The following AMMECR1 variants were observed in gnomAD, a reference collection of about 807,000 sequenced individuals.
AMMECR1 encodes the protein nuclear protein AMMECR1.
A neutral mutation model predicts 22.5 loss-of-function variants in AMMECR1; 3 were observed. That is an observed-to-expected ratio of 0.13 (90% CI 0.06 to 0.35). The LOEUF (loss-of-function observed/expected upper bound fraction) is 0.35. AMMECR1 is among the 10% of genes least tolerant of loss of function. The pLI is 1.00. For synonymous variants in AMMECR1, 130 were observed against 116.7 expected (o/e 1.11, Z -0.74); for missense variants, 235 against 278.7 (o/e 0.84, Z 1.12).
intron 3 of AMMECR1, among the ~76,000 whole-genome samples, chrX:110,207,674 T>A (rs1314302564): frequency 8.9e-6 from 1 of 112,251 alleles, no homozygotes; most frequent in Admixed American, 9.5e-5. Flanking sequence ...CATATCTATC[T>A]AACATGATCC....
intron 2 of AMMECR1, among the ~76,000 whole-genome samples, chrX:110,359,441 C>T (rs1346472521): frequency 9.0e-6 from 1 of 111,184 alleles, no homozygotes; most frequent in Non-Finnish European, 1.9e-5. Context: ...ATTATCCCAT[C>T]TCAACTTGGG....
intron 2 of AMMECR1, among the ~76,000 whole-genome samples, chrX:110,233,985 C>G (rs2067585184): frequency 8.9e-6 from 1 of 111,967 alleles, no homozygotes; most frequent in Admixed American, 9.5e-5. Context: ...CTAGGGCAAT[C>G]AGGCAAGAGA....
rs1318182124 is a variant in AMMECR1 at position 110,427,553 on chromosome X, A to T, written c.-293-750T>A. Among the ~76,000 whole-genome samples, 3 of 111,913 alleles carry T rather than the reference A, an allele frequency of 2.7e-5. No individual in the cohort carries two copies. In the Admixed American group the frequency reaches 2.8e-4, roughly 11 times the overall value. ...CAATCCTGGCTGCACATTCAAATAAATGGAGGGAGCTTTTAAAAGTTCTAA... is the reference window on the plus strand; with the variant it reads ...CAATCCTGGCTGCACATTCAAATAATTGGAGGGAGCTTTTAAAAGTTCTAA... On this transcript the variant is annotated intron_variant, in intron 1 of 7. Transcript: ENST00000372057.
intron 2 of AMMECR1, among the ~76,000 whole-genome samples, chrX:110,378,980 C>T (rs2068398845): frequency 8.9e-6 from 1 of 111,941 alleles, no homozygotes; most frequent in Admixed American, 9.4e-5. Flanking sequence ...ACATTAACCT[C>T]TCCTAACAGC....
intron 2 of AMMECR1, among the ~76,000 whole-genome samples, chrX:110,390,053 C>T (rs2068484283): frequency 9.0e-6 from 1 of 111,433 alleles, no homozygotes; most frequent in East Asian, 2.8e-4. Flanking sequence ...GAACAAGATA[C>T]AAACTTGACC....
At position 110,194,771 on chromosome X, in the gene AMMECR1, T is replaced by A. The variant is rs1434193010; in HGVS notation, c.*3749A>T. 1 of 111,747 alleles carries A rather than the reference T, an allele frequency of 8.9e-6. No homozygotes were observed. The highest frequency in any genetic ancestry group is 3.3e-5 in the African/African-American group (1 of 30,755). 9.2% of individuals were successfully genotyped at this position (111,747 alleles called of 1,213,427 possible). A position where few individuals can be genotyped will look rare whatever the true frequency, so the allele number is the denominator to read the frequency against. On this transcript the variant is annotated 3_prime_UTR_variant, in exon 6 of 6. Transcript: ENST00000262844. Reference sequence around the variant, plus strand: ...GGTTCATTTTCTTCTGAAATAGCAATAAAAAACAAGGAAAACATATATTTG... The same window carrying A: ...GGTTCATTTTCTTCTGAAATAGCAAAAAAAAACAAGGAAAACATATATTTG...
chrX:110,393,999 AT>A (rs749569606), intron 2 of AMMECR1, among the ~76,000 whole-genome samples: 1 of 112,544 alleles, frequency 8.9e-6, no homozygotes, highest in Non-Finnish European at 1.9e-5. Context: ...CGCTTTTGTG[AT>A]TCTTCTGGAA....
intron 2 of AMMECR1, among the ~76,000 whole-genome samples, chrX:110,346,289 C>CA (rs944185953): frequency 1.8e-4 from 20 of 109,371 alleles, no homozygotes; most frequent in East Asian, 1.4e-3. Context: ...ATGGATGAGT[C>CA]AAAAAAAAGT....
At chrX:110,381,678 C>T (rs1490342892) in intron 2 of AMMECR1, among the ~76,000 whole-genome samples, 1 of 111,386 alleles carries the variant, frequency 9.0e-6, no homozygotes, top group East Asian at 2.8e-4. Context: ...AACATAGGTG[C>T]CCATTGATAG....
chrX:110,350,697 G>A (rs1438690360), intron 2 of AMMECR1, among the ~76,000 whole-genome samples: 2 of 111,394 alleles, frequency 1.8e-5, no homozygotes, highest in East Asian at 5.6e-4. Context: ...CTGGGCATGG[G>A]GGCTCATGCC....
intron 2 of AMMECR1, among the ~76,000 whole-genome samples, chrX:110,229,086 A>G (rs1385147026): frequency 1.8e-5 from 2 of 112,486 alleles, no homozygotes; most frequent in East Asian, 5.6e-4. Flanking sequence ...GATTCAGTTC[A>G]GGTCAAATAT....
At chrX:110,241,608 A>T (rs1044680146) in intron 2 of AMMECR1, among the ~76,000 whole-genome samples, 2 of 110,571 alleles carry the variant, frequency 1.8e-5, no homozygotes, top group Non-Finnish European at 3.8e-5. Context: ...GGAGTTGAAC[A>T]ATGAGAACAC....
intron 2 of AMMECR1, among the ~76,000 whole-genome samples, chrX:110,254,809 A>G (rs892281347): frequency 3.6e-5 from 4 of 112,175 alleles, no homozygotes; most frequent in African/African-American, 1.3e-4. Flanking sequence ...ATAAGGTGCA[A>G]AAAAGGACTG....
At chrX:110,253,998 T>C (rs1336651344) in intron 2 of AMMECR1, among the ~76,000 whole-genome samples, 2 of 111,586 alleles carry the variant, frequency 1.8e-5, no homozygotes, top group Non-Finnish European at 3.8e-5. Context: ...TCACCGTTAA[T>C]AAGGTGTATG....
At chrX:110,396,618 C>A (rs2068530473) in intron 2 of AMMECR1, among the ~76,000 whole-genome samples, 1 of 111,889 alleles carries the variant, frequency 8.9e-6, no homozygotes, top group African/African-American at 3.2e-5. Flanking sequence ...TCACAATGTG[C>A]CCTTTTAGGT....
At chrX:110,359,613 T>G (rs979046837) in intron 2 of AMMECR1, among the ~76,000 whole-genome samples, 2 of 111,647 alleles carry the variant, frequency 1.8e-5, no homozygotes, top group African/African-American at 6.5e-5. Context: ...CTGATGGAAT[T>G]TAACTATCTA....
intron 2 of AMMECR1, among the ~76,000 whole-genome samples, chrX:110,325,875 A>AT (rs1416171562): frequency 4.5e-5 from 5 of 111,363 alleles, no homozygotes; most frequent in African/African-American, 1.6e-4. Context: ...GAATTGAATT[A>AT]TTTCTTCTTT....
At chrX:110,318,556 AC>A (rs1051670999), upstream of AMMECR1, among the ~76,000 whole-genome samples, 6 of 108,228 alleles carry the variant, frequency 5.5e-5, no homozygotes, top group Admixed American at 2.0e-4. Flanking sequence ...CAGCTCAGTA[AC>A]CCCCCGCCGC....
At chrX:110,362,053 T>C (rs2068267298) in intron 2 of AMMECR1, among the ~76,000 whole-genome samples, 1 of 111,910 alleles carries the variant, frequency 8.9e-6, no homozygotes, top group African/African-American at 3.2e-5. Flanking sequence ...ATCTCCAACA[T>C]CTAGAATAGT....
Sources: gnomAD v4.1 joint callset for allele counts (sites outside exome capture counted in the v4.1 genomes callset) on GRCh38, gnomAD v4.1.1 for gene constraint, MANE v1.5 for transcripts, NCBI Gene and HGNC (gene_info 2026-07-23, HGNC 2026-07-21) for gene names.